UBE2F: variants seen among roughly 807,000 people sequenced by gnomAD.
UBE2F encodes the protein ubiquitin conjugating enzyme E2 F (putative), also known as NEDD8-conjugating enzyme UBE2F.
A neutral mutation model predicts 29.6 loss-of-function variants in UBE2F; 5 were observed. The observed-to-expected ratio is 0.17, with a 90% CI of 0.09 to 0.36. UBE2F has a LOEUF of 0.36. UBE2F is among the 10% of genes least tolerant of loss of function. The probability of loss-of-function intolerance (pLI) is 1.00; values close to 1 mark genes in which losing one functional copy is unlikely to be tolerated. For synonymous variants in UBE2F, 66 were observed against 81.8 expected (o/e 0.81, Z 1.04); for missense variants, 141 against 228.5 (o/e 0.62, Z 2.47).
chr2:238,021,345 T>C (rs997364097), intron 5 of UBE2F, among the ~76,000 whole-genome samples: 3 of 152,224 alleles, frequency 2.0e-5, no homozygotes, highest in Non-Finnish European at 4.4e-5. Context: ...TTCTTCTTCA[T>C]ATGAAATTAT....
chr2:238,039,743 A>C (rs527651406), intron 9 of UBE2F, among the ~76,000 whole-genome samples: 100 of 152,258 alleles, frequency 6.6e-4, no homozygotes, highest in African/African-American at 2.4e-3. Flanking sequence ...GGCCTGCTGG[A>C]GCATGGAGCC....
At chr2:237,990,732 A>G (rs1244754171) in intron 3 of UBE2F, among the ~76,000 whole-genome samples, 1 of 150,496 alleles carries the variant, frequency 6.6e-6, no homozygotes, top group Non-Finnish European at 1.5e-5. Context: ...GTGCACTCCA[A>G]CCTGGGCGAC....
chr2:237,984,209 G>T (rs1036394711), intron 2 of UBE2F, among the ~76,000 whole-genome samples: 3 of 152,088 alleles, frequency 2.0e-5, no homozygotes, highest in Non-Finnish European at 2.9e-5. Context: ...CATTCTGTTT[G>T]CTCTGAAGCC....
intron 8 of UBE2F, chr2:238,035,162 G>C (rs2064678482): frequency 6.6e-6 from 1 of 152,530 alleles, no homozygotes; most frequent in African/African-American, 2.4e-5. Flanking sequence ...AAAGTGCTGG[G>C]ATTACAGGCG....
chr2:238,026,680 G>T (rs532911791), intron 6 of UBE2F, among the ~76,000 whole-genome samples: 1 of 152,098 alleles, frequency 6.6e-6, no homozygotes, highest in South Asian at 2.1e-4. Flanking sequence ...TGATCTGCCC[G>T]CCTCGGCCTC....
rs896627738 is a variant in UBE2F, at chr2:237,967,907, C to A, written c.-17+775C>A. Among the ~76,000 whole-genome samples the A allele has an allele frequency of 2.8e-4, 43 of 152,214 alleles. No homozygotes were observed. Among genetic ancestry groups the A allele is most frequent in the African/African-American group, 1.0e-3 (42 of 41,524 alleles). On this transcript the variant is annotated intron_variant, in intron 1 of 9. Coordinates refer to ENST00000272930, the MANE Select transcript of UBE2F (RefSeq NM_080678.3). This position sits in a 1 kb window ranked among gnomAD's most constrained non-coding sequence, Gnocchi z 6.3. The stretch of plus-strand genomic sequence containing the variant: ...CTGTCACAGGAGAGAATTGGGTCCC[C>A]CCACTCTGCATTCCCGACCGCCTGG...
At chr2:238,022,326 C>T (rs1200964256) in intron 5 of UBE2F, among the ~76,000 whole-genome samples, 4 of 152,014 alleles carry the variant, frequency 2.6e-5, no homozygotes, top group Non-Finnish European at 5.9e-5. Flanking sequence ...CACTAATAAG[C>T]TGTTTATATT....
At chr2:237,976,013 G>C (rs2063275744) in intron 2 of UBE2F, among the ~76,000 whole-genome samples, 1 of 152,226 alleles carries the variant, frequency 6.6e-6, no homozygotes. Flanking sequence ...ATGATTGGTT[G>C]AAAGTGGAGT....
chr2:237,984,484 T>C (rs562101948), intron 2 of UBE2F, among the ~76,000 whole-genome samples: 6 of 152,364 alleles, frequency 3.9e-5, no homozygotes, highest in African/African-American at 9.6e-5. Flanking sequence ...CGCACATTGC[T>C]AATTTATCTG....
intron 6 of UBE2F, among the ~76,000 whole-genome samples, chr2:238,028,815 A>G (rs558344165): frequency 4.7e-4 from 71 of 152,328 alleles, no homozygotes; most frequent in African/African-American, 1.7e-3. Flanking sequence ...AGAGGTAACA[A>G]TTATGGATAA....
At position 237,990,296 on chromosome 2, in the gene UBE2F, A is replaced by G. The variant is rs2063558619; in HGVS notation, c.148+2304A>G. 1.5e-5 allele frequency: 6 copies of G among 397,812 alleles called. 1 individual carries two copies. The highest frequency in any genetic ancestry group is 3.8e-5 in the South Asian group (2 of 52,298). 24.6% of individuals were successfully genotyped at this position (397,812 alleles called of 1,614,324 possible). On this transcript the variant is annotated intron_variant, in intron 3 of 9. Coordinates refer to ENST00000272930, the MANE Select transcript of UBE2F (RefSeq NM_080678.3). ...TGGGTTCATTATACTCTTCTCTTTT[A>G]TTAGGACATTTTCCTAATAAAAATA...
chr2:237,995,721 T>C (rs2063677156), intron 4 of UBE2F, among the ~76,000 whole-genome samples: 1 of 152,156 alleles, frequency 6.6e-6, no homozygotes, highest in Non-Finnish European at 1.5e-5. Flanking sequence ...TGGAAGATGT[T>C]TGATAATAAT....
chr2:237,974,740 C>G (rs1364063624), intron 2 of UBE2F, among the ~76,000 whole-genome samples: 1 of 152,056 alleles, frequency 6.6e-6, no homozygotes, highest in African/African-American at 2.4e-5. Context: ...GTCTCAAACT[C>G]CTGACCTCAG....
chr2:237,967,218 G>A lies in UBE2F; in HGVS notation c.-17+86G>A. ...GCCTGCGGGCCGGGCGGAGGGCGCG[G>A]GCGGTGGCGGGGCCGCCTCGGGCCC... On this transcript the variant is annotated intron_variant, in intron 1 of 9. Coordinates refer to ENST00000272930, the MANE Select transcript of UBE2F (RefSeq NM_080678.3). The surrounding 1 kb of genome is among the most constrained non-coding windows in gnomAD (Gnocchi z 6.3). The A allele has an allele frequency of 1.1e-6, 1 of 931,158 alleles. No individual in the cohort carries two copies. Among genetic ancestry groups the A allele is most frequent in the Non-Finnish European group, 1.3e-6 (1 of 777,110 alleles). The allele number at this position is 931,158 out of a possible 1,614,324, so 57.7% of individuals were successfully genotyped here. A position where few individuals can be genotyped will look rare whatever the true frequency, so the allele number is the denominator to read the frequency against.
intron 5 of UBE2F, among the ~76,000 whole-genome samples, chr2:238,019,479 G>A (rs1223834147): frequency 7.2e-5 from 11 of 151,776 alleles, no homozygotes. Flanking sequence ...TGATTGTCCT[G>A]CCTCAACCTC....
chr2:237,986,132 CT>C, intron 2 of UBE2F: 1 of 335,358 alleles, frequency 3.0e-6, no homozygotes, highest in East Asian at 9.8e-5. Flanking sequence ...CATAGACTAC[CT>C]TTTCTTTTCT....
At chr2:237,968,452 G>A (rs1352307187) in intron 1 of UBE2F, among the ~76,000 whole-genome samples, 1 of 152,136 alleles carries the variant, frequency 6.6e-6, no homozygotes, top group Non-Finnish European at 1.5e-5. Flanking sequence ...CCCTGATCGG[G>A]GCCCCTTTGG....
At chr2:237,985,936 T>G (rs2063473651) in intron 2 of UBE2F, among the ~76,000 whole-genome samples, 1 of 152,184 alleles carries the variant, frequency 6.6e-6, no homozygotes, top group Non-Finnish European at 1.5e-5. Context: ...TCCCTGATGT[T>G]CAGTGATGTT....
At chr2:237,970,080 T>C (rs1384237774) in intron 1 of UBE2F, among the ~76,000 whole-genome samples, 1 of 152,180 alleles carries the variant, frequency 6.6e-6, no homozygotes, top group Non-Finnish European at 1.5e-5. Flanking sequence ...TAAAAACATT[T>C]CCTGCCCGGC....
Sources: allele counts gnomAD v4.1 joint callset (sites outside exome capture counted in the v4.1 genomes callset), GRCh38; gene constraint gnomAD v4.1.1; non-coding constraint Gnocchi (gnomAD v3.1); transcripts MANE v1.5; gene names NCBI Gene and HGNC (gene_info 2026-07-23, HGNC 2026-07-21).